The following ANO4 variants were observed in gnomAD, a reference collection of about 807,000 sequenced individuals.
ANO4 encodes anoctamin 4, also known as anoctamin-4.
In ANO4, 69 loss-of-function variants were observed where a neutral mutation model predicts 141.9. The observed-to-expected ratio is 0.49, with a 90% CI of 0.40 to 0.59. The LOEUF (loss-of-function observed/expected upper bound fraction) is 0.59. ANO4 is among the 20% of genes least tolerant of loss of function. ANO4 has a pLI of 0.00. For missense variants in ANO4, 894 were observed against 1,162.2 expected, an observed-to-expected ratio of 0.77 and a Z score of 3.36; for synonymous variants, 350 against 394.3, an observed-to-expected ratio of 0.89 and a Z score of 1.33.
At chr12:101,015,502 T>TC (rs928911165) in intron 8 of ANO4, among the ~76,000 whole-genome samples, 1 of 152,158 alleles carries the variant, frequency 6.6e-6, no homozygotes, top group African/African-American at 2.4e-5. Context: ...TCTTATCCTA[T>TC]CCCCCACTGA....
chr12:101,037,182 TTCAA>T, intron 10 of ANO4, 32 bp downstream of exon 10: 1 of 1,605,610 alleles, frequency 6.2e-7, no homozygotes. Context: ...TTATCTTTCT[TTCAA>T]TCGTTTGTTA....
rs1414346102 is a variant in ANO4, at chr12:100,857,367, T to C, written c.-140-44279T>C. On this transcript the variant is annotated intron_variant, in intron 1 of 27. Transcript: ENST00000392977. Reference sequence around the variant, plus strand: ...GAATAATTACAACATTAGGTGATAATAATAGCAACTGATATTTATGGAGTA... The same window carrying C: ...GAATAATTACAACATTAGGTGATAACAATAGCAACTGATATTTATGGAGTA... 2.0e-5 allele frequency among the ~76,000 whole-genome samples: 3 copies of C among 152,174 alleles called. No homozygotes were observed. In the East Asian group the frequency reaches 5.8e-4, roughly 29 times the overall value.
chr12:100,810,337 G>C (rs1008984312), intron 1 of ANO4, among the ~76,000 whole-genome samples: 1 of 152,114 alleles, frequency 6.6e-6, no homozygotes, highest in African/African-American at 2.4e-5. Flanking sequence ...ACTGTGCTTG[G>C]CATGGTTAAG....
chr12:101,030,409 A>G (rs1402270736), intron 9 of ANO4, among the ~76,000 whole-genome samples: 1 of 152,236 alleles, frequency 6.6e-6, no homozygotes, highest in Non-Finnish European at 1.5e-5. Context: ...GGCAGAAATA[A>G]AGAAGTTCTT....
At chr12:100,927,554 T>C (rs967823578) in intron 3 of ANO4, among the ~76,000 whole-genome samples, 1 of 152,154 alleles carries the variant, frequency 6.6e-6, no homozygotes, top group Admixed American at 6.6e-5. Flanking sequence ...TTGAGAATCA[T>C]GTCTTAAAGC....
intron 6 of ANO4, among the ~76,000 whole-genome samples, chr12:100,971,640 T>C (rs1425476281): frequency 6.6e-6 from 1 of 152,188 alleles, no homozygotes; most frequent in Non-Finnish European, 1.5e-5. Context: ...CCAGTGCCTG[T>C]AATAAAGAAG....
intron 3 of ANO4, among the ~76,000 whole-genome samples, chr12:100,937,588 T>C (rs1431867114): frequency 6.6e-6 from 1 of 152,178 alleles, no homozygotes; most frequent in Non-Finnish European, 1.5e-5. Flanking sequence ...TTTTTTTCTT[T>C]GTAGCCTTAT....
Position 100,967,967 on chromosome 12 carries a change from G to A in ANO4, c.457-3339G>A, listed in dbSNP as rs544943823. Among the ~76,000 whole-genome samples the A allele has an allele frequency of 1.6e-4, 25 of 152,300 alleles. 1 individual carries two copies. The highest frequency in any genetic ancestry group is 6.0e-4 in the African/African-American group (25 of 41,582). ...GGGTAAACATTCAGTTTGGCTGTGG[G>A]TGAGCCACTTGTCACCTCTCTTTCT... On this transcript the variant is annotated intron_variant, in intron 5 of 27. Coordinates refer to ENST00000392977, the MANE Select transcript of ANO4 (RefSeq NM_001286615.2).
At chr12:100,784,420 G>A (rs1052984679) in intron 3 of ANO4, among the ~76,000 whole-genome samples, 5 of 152,098 alleles carry the variant, frequency 3.3e-5, no homozygotes, top group Non-Finnish European at 7.4e-5. Context: ...GGTTTATTCA[G>A]TATTTCCTTC....
intron 3 of ANO4, among the ~76,000 whole-genome samples, chr12:100,778,224 T>C (rs963089971): frequency 5.3e-5 from 8 of 152,134 alleles, no homozygotes; most frequent in Non-Finnish European, 8.8e-5. Flanking sequence ...CGGCCGATAA[T>C]GCTTAAAATT....
chr12:100,874,595 C>G (rs1384795614), intron 1 of ANO4, among the ~76,000 whole-genome samples: 1 of 152,166 alleles, frequency 6.6e-6, no homozygotes, highest in African/African-American at 2.4e-5. Flanking sequence ...TCTTGGCTCA[C>G]TGCAACCTCT....
At chr12:101,071,650 G>A (rs1280435631) in intron 14 of ANO4, among the ~76,000 whole-genome samples, 1 of 152,118 alleles carries the variant, frequency 6.6e-6, no homozygotes, top group Non-Finnish European at 1.5e-5. Flanking sequence ...GGGGACTATA[G>A]TCAATAATAA....
At chr12:100,905,911 A>G (rs935352502) in intron 2 of ANO4, among the ~76,000 whole-genome samples, 11 of 152,146 alleles carry the variant, frequency 7.2e-5, no homozygotes, top group Non-Finnish European at 1.0e-4. Flanking sequence ...CTGAGGGTCT[A>G]ATAAGTTCTT....
At position 100,777,910 on chromosome 12, in the gene ANO4, A is replaced by G. The variant is rs1170872542; in HGVS notation, c.358+37805A>G. Among the ~76,000 whole-genome samples the G allele has an allele frequency of 4.2e-5, 6 of 142,094 alleles. No individual in the cohort carries two copies. The Admixed American group carries it at 4.5e-4, about 11-fold the overall frequency. The allele number at this position is 142,094 out of a possible 152,430, so 93.2% of individuals were successfully genotyped here. A position where few individuals can be genotyped will look rare whatever the true frequency, so the allele number is the denominator to read the frequency against. Reference sequence around the variant, plus strand: ...GGTACTTTCTTGTCTTTAGAAGATAATGCTTACAATTTTTTTTTTTTTTTT... The same window carrying G: ...GGTACTTTCTTGTCTTTAGAAGATAGTGCTTACAATTTTTTTTTTTTTTTT... On this transcript the variant is annotated intron_variant, in intron 3 of 29. Coordinates refer to the ANO4 transcript ENST00000644049.
At chr12:101,104,337 A>G (rs933932779) in intron 22 of ANO4, among the ~76,000 whole-genome samples, 5 of 151,198 alleles carry the variant, frequency 3.3e-5, no homozygotes, top group Non-Finnish European at 4.4e-5. Flanking sequence ...TTTTTCTAAT[A>G]TAGGCATTCA....
intron 3 of ANO4, among the ~76,000 whole-genome samples, chr12:100,930,329 T>C (rs1183363107): frequency 6.6e-6 from 1 of 152,056 alleles, no homozygotes; most frequent in African/African-American, 2.4e-5. Flanking sequence ...TAGATTTAAG[T>C]CTTTAATCCA....
At chr12:101,120,771 T>A (rs2051054930) in intron 26 of ANO4, 146 bp downstream of exon 26, 1 of 646,158 alleles carries the variant, frequency 1.5e-6, no homozygotes, top group African/African-American at 1.8e-5. Flanking sequence ...CTCTTTTTGA[T>A]CTTTTTTCTT....
chr12:100,826,359 T>C (rs962860570), intron 1 of ANO4, among the ~76,000 whole-genome samples: 3 of 152,086 alleles, frequency 2.0e-5, no homozygotes, highest in African/African-American at 7.2e-5. Flanking sequence ...TTTGATGTGA[T>C]ATAATAGTGA....
At chr12:100,871,274 A>T (rs1352184059) in intron 1 of ANO4, among the ~76,000 whole-genome samples, 2 of 152,238 alleles carry the variant, frequency 1.3e-5, no homozygotes, top group African/African-American at 4.8e-5. Context: ...TCTAGGCCGT[A>T]TTCCAAAATA....
Sources: gnomAD v4.1 joint callset for allele counts (sites outside exome capture counted in the v4.1 genomes callset) on GRCh38, gnomAD v4.1.1 for gene constraint, MANE v1.5 for transcripts, NCBI Gene and HGNC (gene_info 2026-07-23, HGNC 2026-07-21) for gene names.